Variants in GYG2 observed in about 807,000 individuals in gnomAD.
GYG2 encodes the protein glycogenin-2.
In GYG2, 29 loss-of-function variants were observed where a neutral mutation model predicts 29.4. The observed-to-expected ratio is 0.99, with a 90% CI of 0.74 to 1.35. The LOEUF (loss-of-function observed/expected upper bound fraction) is 1.35. Ranked by LOEUF, GYG2 falls within the 40% of genes most tolerant of loss-of-function variation. GYG2 has a pLI of 0.00. For missense variants in GYG2, 370 were observed against 385.7 expected (o/e 0.96, Z 0.34); for synonymous variants, 167 against 172.3 (o/e 0.97, Z 0.24).
At chrX:2,836,371 T>G (rs1228467539) in intron 2 of GYG2, among the ~76,000 whole-genome samples, 1 of 110,798 alleles carries the variant, frequency 9.0e-6, no homozygotes, top group Non-Finnish European at 1.9e-5. Flanking sequence ...AGACCCATTT[T>G]AAATGTTTTC....
chrX:2,850,475 A>G (rs2087844149), intron 3 of GYG2, among the ~76,000 whole-genome samples: 1 of 111,707 alleles, frequency 9.0e-6, no homozygotes, highest in Non-Finnish European at 1.9e-5. Context: ...GCGTGGATTG[A>G]AGAAAACCTG....
At position 2,860,037 on chromosome X, in the gene GYG2, G is replaced by A; in HGVS notation, c.809G>A (p.Gly270Glu). ...VLPLYKSVQAGEARASPGHTL... is the reference protein window; with the variant it reads ...VLPLYKSVQAEEARASPGHTL... ...CCCCTTTATAAAAGCGTCCAAGCGG[G>A]GGAAGCACGCGCGTCTCCTGGTCAC... The change falls in exon 7 of 11, where the codon GGG (glycine) becomes GAG (glutamate). Residue 270 changes from glycine to glutamate, a missense_variant. Gly to Glu is a moderately conservative substitution (Grantham distance 98, BLOSUM62 -2). Transcript: ENST00000398806. 1 of 1,191,807 alleles carries A rather than the reference G, an allele frequency of 8.4e-7. No individual in the cohort carries two copies. The highest frequency in any genetic ancestry group is 1.1e-6 in the Non-Finnish European group (1 of 881,743).
At chrX:2,878,224 G>T in intron 10 of GYG2, 1 of 740,013 alleles carries the variant, frequency 1.4e-6, no homozygotes, top group African/African-American at 2.3e-5. Flanking sequence ...ACGTTGGACA[G>T]CTCAGCCATG....
At chrX:2,870,574 A>G (rs1014104443) in intron 8 of GYG2, among the ~76,000 whole-genome samples, 15 of 111,571 alleles carry the variant, frequency 1.3e-4, no homozygotes, top group South Asian at 3.8e-4. Context: ...TTTTCTGTCA[A>G]TCTTTCTCCC....
intron 2 of GYG2, among the ~76,000 whole-genome samples, chrX:2,834,004 A>T (rs952871422): frequency 8.9e-6 from 1 of 112,163 alleles, no homozygotes; most frequent in African/African-American, 3.2e-5. Context: ...GATAATAGAA[A>T]AGGCTGCATA....
intron 10 of GYG2, among the ~76,000 whole-genome samples, chrX:2,879,770 T>C (rs902643181): frequency 1.8e-5 from 2 of 111,410 alleles, no homozygotes; most frequent in Non-Finnish European, 1.9e-5. Flanking sequence ...ATAGAACGGA[T>C]GGATGGATGG....
chrX:2,861,066 C>G (rs2088152713), intron 7 of GYG2, among the ~76,000 whole-genome samples: 1 of 109,727 alleles, frequency 9.1e-6, no homozygotes, highest in East Asian at 2.9e-4. Flanking sequence ...GCTAGTACAA[C>G]AGAGTCTGCT....
chrX:2,864,724 G>GT (rs771623933), intron 8 of GYG2, among the ~76,000 whole-genome samples: 394 of 109,482 alleles, frequency 3.6e-3, no homozygotes, highest in African/African-American at 0.012. Context: ...AAAGGATTGT[G>GT]TTTTTGCAGA....
At chrX:2,859,489 C>G (rs1032155247) in intron 6 of GYG2, among the ~76,000 whole-genome samples, 1 of 110,093 alleles carries the variant, frequency 9.1e-6, no homozygotes, top group Non-Finnish European at 1.9e-5. Flanking sequence ...GATTACATAA[C>G]GATTACTACA....
At chrX:2,861,208 A>C (rs1046567755) in intron 7 of GYG2, among the ~76,000 whole-genome samples, 2 of 111,237 alleles carry the variant, frequency 1.8e-5, no homozygotes, top group Non-Finnish European at 3.8e-5. Flanking sequence ...GACACTAGCA[A>C]TGGACGTTTA....
intron 2 of GYG2, chrX:2,842,946 C>G (rs760026149): frequency 5.2e-4 from 191 of 368,675 alleles, no homozygotes; most frequent in African/African-American, 4.0e-3. Context: ...CTCCGAGTAG[C>G]TGTAACTGCA....
chrX:2,835,486 T>C (rs7057656), intron 2 of GYG2, among the ~76,000 whole-genome samples: 37,532 of 110,935 alleles, frequency 0.34, 4,579 homozygotes, highest in South Asian at 0.44. Flanking sequence ...GGAAATAGGG[T>C]CTTTGCAGAT....
rs1271333448 is a variant in GYG2 at position 2,881,287 on chromosome X, C to G, written c.*74C>G. 9.2e-6 allele frequency: 8 copies of G among 870,610 alleles called. No individual in the cohort carries two copies. The highest frequency in any genetic ancestry group is 2.1e-5 in the African/African-American group (1 of 48,639). The allele number at this position is 870,610 out of a possible 1,213,427, so 71.7% of individuals were successfully genotyped here. A position where few individuals can be genotyped will look rare whatever the true frequency, so the allele number is the denominator to read the frequency against. ...TGGTCCTGTTGCGTGGAGATCTCCT[C>G]TGGTCCTTTCAAAGGGAAACGCTGT... On this transcript the variant is annotated 3_prime_UTR_variant, in exon 11 of 11. Coordinates refer to ENST00000398806, the MANE Select transcript of GYG2 (RefSeq NM_001079855.2).
intron 10 of GYG2, chrX:2,877,509 T>C: frequency 9.6e-7 from 1 of 1,045,903 alleles, no homozygotes. Flanking sequence ...GACTCTCTTT[T>C]GCCATCTTCA....
chrX:2,863,200 G>A (rs953516740), intron 8 of GYG2, among the ~76,000 whole-genome samples: 5 of 108,878 alleles, frequency 4.6e-5, no homozygotes, highest in Non-Finnish European at 9.6e-5. Flanking sequence ...TCAGCCTCCC[G>A]AGTAGCTGGG....
chrX:2,873,224 G>C (rs2088515168), intron 8 of GYG2, among the ~76,000 whole-genome samples: 1 of 112,196 alleles, frequency 8.9e-6, no homozygotes, highest in Non-Finnish European at 1.9e-5. Context: ...TATCATGGTT[G>C]TCTGATATCT....
chrX:2,850,667 C>A (rs140463986), intron 3 of GYG2, among the ~76,000 whole-genome samples: 1 of 111,305 alleles, frequency 9.0e-6, no homozygotes, highest in African/African-American at 3.3e-5. Context: ...TAACTAATGA[C>A]ATTATCTTGT....
At chrX:2,856,961 GTTTATCTATCTATCTATCTA>G (rs2088019115) in intron 6 of GYG2, among the ~76,000 whole-genome samples, 1 of 43,222 alleles carries the variant, frequency 2.3e-5, no homozygotes, top group African/African-American at 6.6e-5. Context: ...CTAGACATCT[GTTTATCTATCTATCTATCTA>G]TCTATCTATC....
At chrX:2,854,409 C>T (rs1314943905) in intron 4 of GYG2, among the ~76,000 whole-genome samples, 1 of 112,089 alleles carries the variant, frequency 8.9e-6, no homozygotes, top group Non-Finnish European at 1.9e-5. Context: ...TCTGTACAGA[C>T]TGGGTTTCGC....
Sources: gnomAD v4.1 joint callset for allele counts (sites outside exome capture counted in the v4.1 genomes callset) on GRCh38, gnomAD v4.1.1 for gene constraint, MANE v1.5 for transcripts, NCBI Gene and HGNC (gene_info 2026-07-23, HGNC 2026-07-21) for gene names.